Variants in PAN3 observed in about 807,000 individuals in gnomAD.
PAN3 encodes poly(A) specific ribonuclease subunit PAN3, also known as PAN2-PAN3 deadenylation complex subunit PAN3.
PAN3 carries 19 observed loss-of-function variants against 96.2 expected under a neutral mutation model. The observed-to-expected ratio is 0.20, with a 90% CI of 0.14 to 0.29. PAN3 has a LOEUF of 0.29. Among genes scored for constraint, PAN3 ranks in the 10% least tolerant of loss-of-function variants. PAN3 has a pLI of 1.00. For missense variants in PAN3, 882 were observed against 1,108.1 expected, an observed-to-expected ratio of 0.80 and a Z score of 2.90; for synonymous variants, 433 against 406.6, an observed-to-expected ratio of 1.06 and a Z score of -0.78.
intron 5 of PAN3, chr13:28,215,437 T>A: frequency 1.4e-6 from 1 of 703,382 alleles, no homozygotes; most frequent in Non-Finnish European, 2.6e-6. Context: ...CATTATGGGC[T>A]TCAATGTTAT....
intron 1 of PAN3, among the ~76,000 whole-genome samples, chr13:28,157,907 C>T (rs1248087853): frequency 1.3e-5 from 2 of 152,154 alleles, no homozygotes; most frequent in South Asian, 2.1e-4. Context: ...AGCAATCCTA[C>T]ACAAAAAGAG....
chr13:28,158,674 C>G (rs778897215), intron 1 of PAN3, among the ~76,000 whole-genome samples: 11 of 152,056 alleles, frequency 7.2e-5, no homozygotes, highest in Admixed American at 1.3e-4. Context: ...GTCAGGAGAT[C>G]AAGACCATCC....
intron 1 of PAN3, among the ~76,000 whole-genome samples, chr13:28,155,758 CTA>C (rs1389416795): frequency 6.6e-6 from 1 of 151,910 alleles, no homozygotes; most frequent in Non-Finnish European, 1.5e-5. Flanking sequence ...ATAACAAACT[CTA>C]TTCAGGGATA....
chr13:28,187,081 C>CT (rs1282894451), intron 4 of PAN3, among the ~76,000 whole-genome samples: 4 of 151,702 alleles, frequency 2.6e-5, no homozygotes, highest in African/African-American at 7.3e-5. Context: ...AATTCCAGCA[C>CT]TTTGGGAGGC....
intron 1 of PAN3, among the ~76,000 whole-genome samples, chr13:28,157,208 G>A (rs1872306276): frequency 6.6e-6 from 1 of 151,826 alleles, no homozygotes; most frequent in African/African-American, 2.4e-5. Flanking sequence ...AATAAACTAG[G>A]CATTGAAGGA....
At chr13:28,246,495 T>C (rs1884202222) in intron 6 of PAN3, among the ~76,000 whole-genome samples, 1 of 152,140 alleles carries the variant, frequency 6.6e-6, no homozygotes, top group African/African-American at 2.4e-5. Context: ...TTAACTGTAG[T>C]CACCTCCTAT....
chr13:28,224,587 G>T (rs17086404), intron 6 of PAN3, among the ~76,000 whole-genome samples: 4,971 of 151,568 alleles, frequency 0.033, 169 homozygotes, highest in East Asian at 0.14. Context: ...AAATAGTGCA[G>T]TTTTTTTTTA....
chr13:28,291,224 G>A (rs1027160689), intron 18 of PAN3, among the ~76,000 whole-genome samples: 5 of 152,124 alleles, frequency 3.3e-5, no homozygotes, highest in Admixed American at 6.5e-5. Flanking sequence ...CCTTCAGTGA[G>A]TTGTAAACAT....
chr13:28,199,946 T>C (rs1237208851), intron 5 of PAN3, among the ~76,000 whole-genome samples: 1 of 152,232 alleles, frequency 6.6e-6, no homozygotes, highest in East Asian at 1.9e-4. Flanking sequence ...AATGGTTGTC[T>C]TGTGCCAGGC....
chr13:28,276,033 C>T (rs1887028374), intron 14 of PAN3, among the ~76,000 whole-genome samples: 1 of 152,140 alleles, frequency 6.6e-6, no homozygotes, highest in Non-Finnish European at 1.5e-5. Flanking sequence ...GCTAGAATTT[C>T]ACTAATGATT....
chr13:28,208,934 T>C (rs938612600), intron 5 of PAN3, among the ~76,000 whole-genome samples: 6 of 152,190 alleles, frequency 3.9e-5, no homozygotes, highest in African/African-American at 1.2e-4. Flanking sequence ...GTAAAAATTA[T>C]ACAGTGGTCC....
intron 4 of PAN3, among the ~76,000 whole-genome samples, chr13:28,195,272 A>T (rs945976441): frequency 6.6e-6 from 1 of 151,682 alleles, no homozygotes; most frequent in Non-Finnish European, 1.5e-5. Flanking sequence ...GCGTGGTGGC[A>T]CATGCCTGTA....
At chr13:28,258,781 T>A (rs557763996) in intron 7 of PAN3, among the ~76,000 whole-genome samples, 66 of 152,272 alleles carry the variant, frequency 4.3e-4, no homozygotes, top group South Asian at 2.5e-3. Context: ...ATAGCAAAAT[T>A]CCTGGGTGCT....
chr13:28,231,911 A>G (rs1882595977), intron 6 of PAN3, among the ~76,000 whole-genome samples: 1 of 152,090 alleles, frequency 6.6e-6, no homozygotes, highest in Admixed American at 6.6e-5. Flanking sequence ...CTGAAAATGA[A>G]AATAAATAAA....
At chr13:28,215,474 G>C in intron 5 of PAN3, 1 of 689,358 alleles carries the variant, frequency 1.5e-6, no homozygotes, top group Non-Finnish European at 2.7e-6. Context: ...GATGTTCGTT[G>C]GGGGAGTGTT....
chr13:28,195,135 TGTG>T (rs1566176270), intron 4 of PAN3, among the ~76,000 whole-genome samples: 1 of 152,166 alleles, frequency 6.6e-6, no homozygotes. Flanking sequence ...GTTAGGCTGA[TGTG>T]GTGGCTCATG....
intron 17 of PAN3, among the ~76,000 whole-genome samples, chr13:28,281,707 G>T (rs1000253131): frequency 1.3e-5 from 2 of 150,714 alleles, no homozygotes; most frequent in Admixed American, 6.6e-5. Context: ...ACCCTGGTCA[G>T]TTTAGAGACT....
chr13:28,138,590 C>T lies in PAN3; in HGVS notation c.-68C>T, dbSNP rs1046599751. ...GGCACCGGCAGCGTCTTCCTTTCCT[C>T]CCCCGTCTATGGTGGTGGCGGCGGC... is the stretch of plus-strand genomic sequence containing the variant. On this transcript the variant is annotated 5_prime_UTR_variant, in exon 1 of 19. Transcript: ENST00000380958. 14 of 404,848 alleles carry T rather than the reference C, an allele frequency of 3.5e-5. No homozygotes were observed. The highest frequency in any genetic ancestry group is 5.4e-5 in the Non-Finnish European group (13 of 240,830). The allele number at this position is 404,848 out of a possible 1,614,324, so 25.1% of individuals were successfully genotyped here. A position where few individuals can be genotyped will look rare whatever the true frequency, so the allele number is the denominator to read the frequency against.
chr13:28,203,290 A>G (rs528371385), intron 5 of PAN3, among the ~76,000 whole-genome samples: 2 of 144,680 alleles, frequency 1.4e-5, no homozygotes, highest in South Asian at 2.2e-4. Flanking sequence ...TTATTTTAAG[A>G]CTTTTCTATA....
Sources: allele counts gnomAD v4.1 joint callset (sites outside exome capture counted in the v4.1 genomes callset), GRCh38; gene constraint gnomAD v4.1.1; transcripts MANE v1.5; gene names NCBI Gene and HGNC (gene_info 2026-07-23, HGNC 2026-07-21).